INSC: variants seen among roughly 807,000 people sequenced by gnomAD.
INSC encodes protein inscuteable homolog.
In INSC, 67 loss-of-function variants were observed where a neutral mutation model predicts 58.6. The ratio of observed to expected loss-of-function variants is 1.14; its 90% CI spans 0.94 to 1.40. The LOEUF is 1.40. Among genes scored for constraint, INSC ranks in the 40% most tolerant of loss-of-function variants. INSC has a pLI of 0.00. For missense variants in INSC, 714 were observed against 692.0 expected, an observed-to-expected ratio of 1.03 and a Z score of -0.36; for synonymous variants, 262 against 276.1, an observed-to-expected ratio of 0.95 and a Z score of 0.51.
intron 1 of INSC, among the ~76,000 whole-genome samples, chr11:15,135,778 A>G (rs1392371283): frequency 1.3e-5 from 2 of 152,220 alleles, no homozygotes; most frequent in Admixed American, 6.5e-5. Context: ...AACAGAATGT[A>G]TAATAGAATG....
intron 9 of INSC, among the ~76,000 whole-genome samples, chr11:15,234,603 G>A (rs568975779): frequency 1.6e-4 from 25 of 152,248 alleles, no homozygotes; most frequent in African/African-American, 4.6e-4. Flanking sequence ...GAAACCTTTC[G>A]AGAGAGAGGC....
intron 1 of INSC, among the ~76,000 whole-genome samples, chr11:15,128,776 C>T (rs1057060746): frequency 3.3e-5 from 5 of 152,326 alleles, no homozygotes; most frequent in African/African-American, 9.6e-5. Flanking sequence ...AGGCTGGCCC[C>T]TGCGCCCAGC....
In INSC at chr11:15,173,508, T is replaced by C. The variant is rs551954408; in HGVS notation, c.57-2233T>C. ...AACCGTACATGAGATGTGATTCTAC[T>C]TAATATAAAATTAAATATGATTTCA... On this transcript the variant is annotated intron_variant, in intron 2 of 12. Transcript: ENST00000379556. 2.6e-5 allele frequency among the ~76,000 whole-genome samples: 4 copies of C among 152,294 alleles called. No individual in the cohort carries two copies. The South Asian group carries it at 8.3e-4, about 32-fold the overall frequency.
chr11:15,147,937 C>T (rs1201310682), intron 1 of INSC, among the ~76,000 whole-genome samples: 1 of 152,176 alleles, frequency 6.6e-6, no homozygotes, highest in East Asian at 1.9e-4. Context: ...TTGATGTGCC[C>T]AGGCAAAGGT....
At chr11:15,158,434 G>A (rs1314535249) in intron 2 of INSC, among the ~76,000 whole-genome samples, 1 of 151,994 alleles carries the variant, frequency 6.6e-6, no homozygotes, top group Non-Finnish European at 1.5e-5. Flanking sequence ...TGTACATGGT[G>A]TCTCCCCTAT....
At chr11:15,193,320 T>A (rs1274876468) in intron 6 of INSC, among the ~76,000 whole-genome samples, 1 of 152,238 alleles carries the variant, frequency 6.6e-6, no homozygotes, top group African/African-American at 2.4e-5. Flanking sequence ...ATACTTTAAG[T>A]TCTAGGGTAC....
At chr11:15,225,857 G>T (rs1299924233) in intron 9 of INSC, 29 bp downstream of exon 9, 7 of 1,599,216 alleles carry the variant, frequency 4.4e-6, no homozygotes, top group Non-Finnish European at 5.1e-6. Flanking sequence ...ACTGAGCACA[G>T]GGCCCATAGC....
downstream of INSC, among the ~76,000 whole-genome samples, chr11:15,251,452 A>G (rs1852648609): frequency 6.6e-6 from 1 of 152,248 alleles, no homozygotes; most frequent in Non-Finnish European, 1.5e-5. Flanking sequence ...AAGATCACCA[A>G]TAAGAAAGTG....
At chr11:15,197,774 C>T (rs1221158657) in intron 6 of INSC, among the ~76,000 whole-genome samples, 1 of 152,102 alleles carries the variant, frequency 6.6e-6, no homozygotes, top group East Asian at 1.9e-4. Context: ...TCAAAATTAT[C>T]CCCCCCACCA....
intron 7 of INSC, among the ~76,000 whole-genome samples, chr11:15,207,341 C>T (rs959949023): frequency 2.0e-5 from 3 of 152,156 alleles, no homozygotes; most frequent in Non-Finnish European, 4.4e-5. Flanking sequence ...AGTTAGTTCA[C>T]TCTGTGCTGG....
At chr11:15,201,011 C>T (rs1589962020) in intron 7 of INSC, 62 bp downstream of exon 7, 3 of 1,534,874 alleles carry the variant, frequency 2.0e-6, no homozygotes, top group East Asian at 4.9e-5. Context: ...GAGGTCCAGG[C>T]CTCATGATGG....
At chr11:15,184,781 T>C (rs1344146890) in intron 5 of INSC, among the ~76,000 whole-genome samples, 2 of 152,240 alleles carry the variant, frequency 1.3e-5, no homozygotes, top group African/African-American at 4.8e-5. Context: ...GAAAGCACTG[T>C]CTTTGCCAAT....
chr11:15,235,808 C>A, intron 10 of INSC, 140 bp downstream of exon 10: 1 of 785,692 alleles, frequency 1.3e-6, no homozygotes, highest in Non-Finnish European at 2.2e-6. Context: ...GTAATCCCAG[C>A]ACTTTGGGAA....
downstream of INSC, among the ~76,000 whole-genome samples, chr11:15,251,436 G>T (rs1445538710): frequency 1.3e-5 from 2 of 152,172 alleles, no homozygotes; most frequent in African/African-American, 4.8e-5. Context: ...AAACTTTTGT[G>T]CTTCAAAGAT....
At chr11:15,164,284 A>G (rs1342969730) in intron 2 of INSC, among the ~76,000 whole-genome samples, 1 of 152,192 alleles carries the variant, frequency 6.6e-6, no homozygotes, top group African/African-American at 2.4e-5. Flanking sequence ...CCTTTAGAAG[A>G]AGGCAGGGTT....
intron 1 of INSC, among the ~76,000 whole-genome samples, chr11:15,127,856 G>A (rs1273285790): frequency 2.6e-5 from 4 of 152,226 alleles, no homozygotes; most frequent in South Asian, 2.1e-4. Context: ...TTAACTGGGC[G>A]TGGAGGTGTG....
At chr11:15,120,536 G>A (rs191385525) in intron 1 of INSC, among the ~76,000 whole-genome samples, 1 of 152,330 alleles carries the variant, frequency 6.6e-6, no homozygotes, top group Admixed American at 6.5e-5. Flanking sequence ...AGAGAGACCA[G>A]CACGTGTGAG....
At chr11:15,230,023 TATATATATATATATATAA>T (rs1851862853) in intron 9 of INSC, among the ~76,000 whole-genome samples, 1 of 55,232 alleles carries the variant, frequency 1.8e-5, no homozygotes, top group Non-Finnish European at 3.2e-5. Flanking sequence ...AATATATATA[TATATATATATATATATAA>T]AAGCCAGGCA....
At chr11:15,213,796 C>G (rs1009024615) in intron 7 of INSC, among the ~76,000 whole-genome samples, 1 of 152,060 alleles carries the variant, frequency 6.6e-6, no homozygotes, top group African/African-American at 2.4e-5. Context: ...TTCCATTTAA[C>G]TTTTAACTAA....
Sources: allele counts gnomAD v4.1 joint callset (sites outside exome capture counted in the v4.1 genomes callset), GRCh38; gene constraint gnomAD v4.1.1; transcripts MANE v1.5; gene names NCBI Gene and HGNC (gene_info 2026-07-23, HGNC 2026-07-21).